Variants in CDC42BPA observed in about 807,000 individuals in gnomAD.
CDC42BPA encodes the protein CDC42 binding protein kinase alpha.
Under a neutral mutation model 223.5 loss-of-function variants are expected in CDC42BPA, and 80 were observed. The observed-to-expected ratio is 0.36, with a 90% CI of 0.30 to 0.43. The LOEUF (loss-of-function observed/expected upper bound fraction) is 0.43. Among genes scored for constraint, CDC42BPA ranks in the 20% least tolerant of loss-of-function variants. The pLI is 1.00. For missense variants in CDC42BPA, 1,743 were observed against 2,099.9 expected (o/e 0.83, Z 3.32); for synonymous variants, 694 against 718.6 (o/e 0.97, Z 0.55).
At chr1:227,203,439 T>C (rs1672136569) in intron 3 of CDC42BPA, among the ~76,000 whole-genome samples, 1 of 152,144 alleles carries the variant, frequency 6.6e-6, no homozygotes, top group Admixed American at 6.6e-5. Flanking sequence ...AGAAGCCCTG[T>C]TCTAGATCAA....
rs910990585 is a variant in CDC42BPA at position 227,311,475 on chromosome 1, C to A, written c.178+5530G>T. On this transcript the variant is annotated intron_variant, in intron 1 of 36. Transcript: ENST00000366766. Reference sequence around the variant, plus strand: ...ACTAGCAAATCCTCACCTACATCTACCCTAGAGTTCAGCTGAAGTGATGAG... The same window carrying A: ...ACTAGCAAATCCTCACCTACATCTAACCTAGAGTTCAGCTGAAGTGATGAG... 2.0e-5 allele frequency among the ~76,000 whole-genome samples: 3 copies of A among 152,140 alleles called. No individual in the cohort carries two copies. In the East Asian group the frequency reaches 5.8e-4, roughly 29 times the overall value.
Position 227,317,511 on chromosome 1 carries a change from T to G in CDC42BPA, c.-329A>C. The G allele has an allele frequency of 2.6e-6, 1 of 380,108 alleles. No homozygotes were observed. 23.5% of individuals were successfully genotyped at this position (380,108 alleles called of 1,614,324 possible). A position where few individuals can be genotyped will look rare whatever the true frequency, so the allele number is the denominator to read the frequency against. Reference sequence around the variant, plus strand: ...ACGAACTAGAGAGTCAACACTTCTTTAAAAAAAAAAAAAAAAACTCTTCTC... The same window carrying G: ...ACGAACTAGAGAGTCAACACTTCTTGAAAAAAAAAAAAAAAAACTCTTCTC... On this transcript the variant is annotated 5_prime_UTR_variant, in exon 1 of 37. The change abolishes the stop of an existing upstream ORF in the 5' untranslated region. Coordinates refer to ENST00000366766, the MANE Select transcript of CDC42BPA (RefSeq NM_001394014.1).
At chr1:227,297,967 T>TATACACACACACACACACACAC (rs369403944) in intron 1 of CDC42BPA, among the ~76,000 whole-genome samples, 1 of 132,082 alleles carries the variant, frequency 7.6e-6, no homozygotes, top group African/African-American at 2.9e-5. Flanking sequence ...TATATACATA[T>TATACACACACACACACACACAC]ACACACACAC....
chr1:227,135,457 T>C (rs931582021), intron 10 of CDC42BPA, among the ~76,000 whole-genome samples: 5 of 151,956 alleles, frequency 3.3e-5, no homozygotes, highest in African/African-American at 1.2e-4. Flanking sequence ...ACAGAATAAA[T>C]CTCCCATAGT....
intron 21 of CDC42BPA, among the ~76,000 whole-genome samples, chr1:227,062,830 T>TAAA (rs200922598): frequency 3.6e-5 from 5 of 138,606 alleles, no homozygotes; most frequent in African/African-American, 5.3e-5. Context: ...ATGTTTAACA[T>TAAA]AAAAAAAAAA....
At chr1:227,154,802 AATTTCAAAGC>A (rs1309581617) in intron 6 of CDC42BPA, among the ~76,000 whole-genome samples, 1 of 152,094 alleles carries the variant, frequency 6.6e-6, no homozygotes, top group African/African-American at 2.4e-5. Flanking sequence ...AAATTAAGCT[AATTTCAAAGC>A]AGGTCTTAAA....
At chr1:227,179,635 CA>C (rs59744442) in intron 5 of CDC42BPA, among the ~76,000 whole-genome samples, 876 of 34,178 alleles carry the variant, frequency 0.026, 16 homozygotes, top group African/African-American at 0.096. Context: ...GCCTCCATCT[CA>C]AAAAAAAAAA....
rs979079395 is a variant in CDC42BPA at position 226,994,286 on chromosome 1, G to T, written c.5247C>A (p.Arg1749=). ...AGGCAGCTCACGGGTCCCAGCTCCC[G>T]CGGTCAGTGCTCTCCAGGGAGAGGC... The part of the protein sequence containing the change: ...TKSLSLESTD[R]GSWDP Residue 1749 remains arginine, a synonymous_variant, in exon 37 of 37, where the codon CGC becomes CGA. Transcript: ENST00000366766. This position sits in a 1 kb window ranked among gnomAD's most constrained non-coding sequence, Gnocchi z 4.0. The T allele has an allele frequency of 6.3e-7, 1 of 1,586,702 alleles. No homozygotes were observed. Among genetic ancestry groups the T allele is most frequent in the Non-Finnish European group, 8.6e-7 (1 of 1,164,434 alleles).
chr1:227,310,150 A>G (rs1171067391), intron 1 of CDC42BPA, among the ~76,000 whole-genome samples: 1 of 152,226 alleles, frequency 6.6e-6, no homozygotes, highest in African/African-American at 2.4e-5. Context: ...ACTGGTTGCC[A>G]GCCATCCTCC....
At position 227,048,132 on chromosome 1, in the gene CDC42BPA, T is replaced by C. The variant is rs1368120603; in HGVS notation, c.3010-122A>G. 9.9e-6 allele frequency: 5 copies of C among 506,352 alleles called. 1 individual carries two copies. The highest frequency in any genetic ancestry group is 7.2e-5 in the South Asian group (2 of 27,788). The allele number at this position is 506,352 out of a possible 1,614,324, so 31.4% of individuals were successfully genotyped here. ...CAATAAGGCAAAAAGTTCTACTAAT[T>C]AATAATAAAGAAAACCTCAATAAAG... On this transcript the variant is annotated intron_variant, in intron 22 of 36. Transcript: ENST00000366766.
intron 1 of CDC42BPA, chr1:227,265,219 A>C (rs987499903): frequency 2.4e-5 from 14 of 587,980 alleles, no homozygotes; most frequent in Non-Finnish European, 4.3e-5. Flanking sequence ...ACACTTTGGC[A>C]TCTAACAACC....
At chr1:227,025,260 A>C (rs1668050608) in intron 31 of CDC42BPA, among the ~76,000 whole-genome samples, 1 of 152,160 alleles carries the variant, frequency 6.6e-6, no homozygotes, top group African/African-American at 2.4e-5. Context: ...AAAACAAAAC[A>C]AAAAAATCCA....
chr1:227,150,647 G>C (rs570853883), intron 6 of CDC42BPA, among the ~76,000 whole-genome samples: 1 of 151,992 alleles, frequency 6.6e-6, no homozygotes, highest in Non-Finnish European at 1.5e-5. Context: ...TATGAACAAA[G>C]ATATTAGTAA....
intron 1 of CDC42BPA, among the ~76,000 whole-genome samples, chr1:227,296,765 T>C (rs4653488): frequency 0.16 from 22,639 of 143,454 alleles, 2,020 homozygotes; most frequent in East Asian, 0.37. Context: ...CAATATGACA[T>C]TGGATTTGGC....
intron 24 of CDC42BPA, among the ~76,000 whole-genome samples, chr1:227,038,559 C>T (rs74683900): frequency 0.054 from 8,207 of 152,252 alleles, 252 homozygotes; most frequent in Non-Finnish European, 0.072. Context: ...ACAGCACAAA[C>T]AACAGCCAAT....
chr1:227,044,376 T>A (rs1314655403), intron 23 of CDC42BPA, among the ~76,000 whole-genome samples: 2 of 152,176 alleles, frequency 1.3e-5, no homozygotes, highest in Non-Finnish European at 1.5e-5. Flanking sequence ...TGCTTGTGAT[T>A]TGAGATCTTA....
At chr1:227,136,259 T>C (rs1488956212) in intron 10 of CDC42BPA, among the ~76,000 whole-genome samples, 1 of 152,032 alleles carries the variant, frequency 6.6e-6, no homozygotes, top group Admixed American at 6.6e-5. Context: ...TAAGACTAAT[T>C]AGATGGACTT....
intron 15 of CDC42BPA, among the ~76,000 whole-genome samples, chr1:227,096,781 A>G (rs1684080409): frequency 6.6e-6 from 1 of 152,086 alleles, no homozygotes; most frequent in South Asian, 2.1e-4. Flanking sequence ...CTCTCTACAC[A>G]TGCTGCCTGA....
intron 2 of CDC42BPA, among the ~76,000 whole-genome samples, chr1:227,227,651 T>G (rs753501411): frequency 1.3e-5 from 2 of 152,180 alleles, no homozygotes; most frequent in Non-Finnish European, 2.9e-5. Context: ...TGGCCTTCAC[T>G]CTGATGCTTT....
Sources: allele counts gnomAD v4.1 joint callset (sites outside exome capture counted in the v4.1 genomes callset), GRCh38; gene constraint gnomAD v4.1.1; non-coding constraint Gnocchi (gnomAD v3.1); transcripts MANE v1.5; gene names NCBI Gene and HGNC (gene_info 2026-07-23, HGNC 2026-07-21).